Variants in FAT3 observed in about 807,000 individuals in gnomAD.
The protein encoded by FAT3 is protocadherin Fat 3.
A neutral mutation model predicts 310.2 loss-of-function variants in FAT3; 95 were observed. That is an observed-to-expected ratio of 0.31 (90% CI 0.26 to 0.36). The LOEUF is 0.36. FAT3 is among the 10% of genes least tolerant of loss of function. The pLI, the probability that FAT3 is intolerant of heterozygous loss-of-function variation, is 1.00. For synonymous variants in FAT3, 2,314 were observed against 2,192.9 expected (o/e 1.06, Z -1.54); for missense variants, 5,408 against 5,715.6 (o/e 0.95, Z 1.74).
intron 17 of FAT3, 110 bp from the exon 18 acceptor site, chr11:92,840,452 C>A (rs1203153566): frequency 2.0e-6 from 2 of 1,024,636 alleles, no homozygotes; most frequent in African/African-American, 1.6e-5. Flanking sequence ...TCTAGCTCAG[C>A]ACTCTCAGCC....
rs748019213 is a variant in FAT3, at chr11:92,446,880, A to G, written c.3293-77754A>G. ...TCTGTAGTTCCAGGTAGTTCTAGGT[A>G]GTCATCAGAGGAAATATCTGCAAAT... On this transcript the variant is annotated intron_variant, in intron 2 of 27. Coordinates refer to ENST00000525166, the MANE Select transcript of FAT3 (RefSeq NM_001367949.2). Among the ~76,000 whole-genome samples, 22 of 152,192 alleles carry G rather than the reference A, an allele frequency of 1.4e-4. 1 individual carries two copies. Among genetic ancestry groups the G allele is most frequent in the Admixed American group, 9.2e-4 (14 of 15,272 alleles).
chr11:92,476,575 CCGTACT>C (rs1225518186), intron 2 of FAT3, among the ~76,000 whole-genome samples: 1 of 152,132 alleles, frequency 6.6e-6, no homozygotes, highest in Non-Finnish European at 1.5e-5. Context: ...ATGAATACAG[CCGTACT>C]TGGGGGTGAA....
intron 13 of FAT3, among the ~76,000 whole-genome samples, chr11:92,811,911 C>A (rs1002439162): frequency 2.0e-5 from 3 of 152,140 alleles, no homozygotes; most frequent in Non-Finnish European, 4.4e-5. Context: ...AGAACTAAGA[C>A]AGCTGAGGAA....
At chr11:92,298,564 C>T (rs966078373) in intron 1 of FAT3, among the ~76,000 whole-genome samples, 2 of 152,050 alleles carry the variant, frequency 1.3e-5, no homozygotes, top group African/African-American at 4.8e-5. Context: ...GATGTTCTTC[C>T]TATTTGTTGA....
At chr11:92,229,489 C>CTTTTTTTTTTTTTTTTTTTTT (rs1565339181) in intron 1 of FAT3, among the ~76,000 whole-genome samples, 1 of 48,668 alleles carries the variant, frequency 2.1e-5, no homozygotes, top group African/African-American at 8.1e-5. Context: ...TTTGTTTTTT[C>CTTTTTTTTTTTTTTTTTTTTT]GTGTTTTTTT....
At chr11:92,484,305 G>A (rs1952313080) in intron 2 of FAT3, among the ~76,000 whole-genome samples, 1 of 151,872 alleles carries the variant, frequency 6.6e-6, no homozygotes, top group African/African-American at 2.4e-5. Context: ...TGCTAGAATT[G>A]TTACCATAAA....
rs56378818 is a variant in FAT3 at position 92,340,111 on chromosome 11, CAA to C, written c.-17-11963_-17-11962del. 1.2e-3 allele frequency among the ~76,000 whole-genome samples: 60 copies of C among 49,136 alleles called. 1 individual carries two copies. Among genetic ancestry groups the C allele is most frequent in the African/African-American group, 3.5e-3 (45 of 12,906 alleles). The allele number at this position is 49,136 out of a possible 152,430, so 32.2% of individuals were successfully genotyped here. A position where few individuals can be genotyped will look rare whatever the true frequency, so the allele number is the denominator to read the frequency against. On this transcript the variant is annotated intron_variant, in intron 1 of 27. Coordinates refer to ENST00000525166, the MANE Select transcript of FAT3 (RefSeq NM_001367949.2). ...TGGGCAACAGAGCAAGACTCCATCT[CAA>C]AAAAAAAAAAAAAAAAAAAAAGCCA...
chr11:92,862,016 G>A lies in FAT3; in HGVS notation c.11658+2694G>A, dbSNP rs181461977. Among the ~76,000 whole-genome samples, 167 of 152,214 alleles carry A rather than the reference G, an allele frequency of 1.1e-3. 1 individual carries two copies. The highest frequency in any genetic ancestry group is 3.4e-3 in the Middle Eastern group (1 of 294). Reference sequence around the variant, plus strand: ...TCACTGTCTCTCAGCAATAATAAAAGGCACTCATTCTTCTGTTTACCATTG... The same window carrying A: ...TCACTGTCTCTCAGCAATAATAAAAAGCACTCATTCTTCTGTTTACCATTG... On this transcript the variant is annotated intron_variant, in intron 21 of 27. Transcript: ENST00000525166.
chr11:92,840,405 A>T (rs1948507969), intron 17 of FAT3, among the ~76,000 whole-genome samples, 157 bp from the exon 18 acceptor site: 1 of 152,218 alleles, frequency 6.6e-6, no homozygotes, highest in Non-Finnish European at 1.5e-5. Context: ...AGACAAGGTA[A>T]TGTCACAGGG....
intron 1 of FAT3, among the ~76,000 whole-genome samples, chr11:92,331,001 TGTGAGAGAGAGA>T (rs1352345516): frequency 0.03 from 3,507 of 117,792 alleles, 154 homozygotes; most frequent in African/African-American, 0.16. Flanking sequence ...TGTGTGTGTG[TGTGAGAGAGAGA>T]GAGAGAGAAA....
intron 24 of FAT3, among the ~76,000 whole-genome samples, chr11:92,884,693 T>A (rs1400639006): frequency 6.6e-6 from 1 of 152,166 alleles, no homozygotes; most frequent in Non-Finnish European, 1.5e-5. Flanking sequence ...TAGGACACTT[T>A]GGAGATGCCC....
intron 3 of FAT3, among the ~76,000 whole-genome samples, chr11:92,589,961 CA>C (rs1939345407): frequency 6.6e-6 from 1 of 152,110 alleles, no homozygotes; most frequent in Admixed American, 6.6e-5. Context: ...TTAGCCAAAA[CA>C]GCCTAAATTA....
At chr11:92,528,043 C>G (rs183943615) in intron 3 of FAT3, among the ~76,000 whole-genome samples, 2 of 152,136 alleles carry the variant, frequency 1.3e-5, no homozygotes, top group Non-Finnish European at 2.9e-5. Flanking sequence ...TTAACGCCAA[C>G]GCAAATAATG....
intron 2 of FAT3, among the ~76,000 whole-genome samples, chr11:92,505,972 T>C (rs896754996): frequency 3.9e-5 from 6 of 152,036 alleles, no homozygotes; most frequent in Admixed American, 6.6e-5. Flanking sequence ...GGGATAACTA[T>C]AAACACCATA....
At chr11:92,666,897 T>A (rs796854147) in intron 3 of FAT3, among the ~76,000 whole-genome samples, 8 of 152,244 alleles carry the variant, frequency 5.3e-5, no homozygotes, top group African/African-American at 1.9e-4. Flanking sequence ...CACACTCCAT[T>A]GGTTGGAGTC....
At position 92,762,160 on chromosome 11, in the gene FAT3, A is replaced by T. The variant is rs1946167852; in HGVS notation, c.3974A>T (p.Asp1325Val). The T allele has an allele frequency of 6.2e-7, 1 of 1,610,088 alleles. No homozygotes were observed. Among genetic ancestry groups the T allele is most frequent in the Non-Finnish European group, 8.5e-7 (1 of 1,177,528 alleles). The change falls in exon 5 of 28, where the codon GAC becomes GTC. Residue 1325 changes from aspartate to valine, a missense_variant. Physicochemically the swap from Asp to Val is radical, Grantham distance 152 (BLOSUM62 -3). Coordinates refer to ENST00000525166, the MANE Select transcript of FAT3 (RefSeq NM_001367949.2). ...SRKQFTAGSY[D>V]ILTIKAVDNG... is the part of the protein sequence containing the mutation. ...AAGCAGTTTACAGCAGGCAGTTATG[A>T]CATCCTAACGGTAAGATCTTCCAAA...
chr11:92,775,305 G>A (rs907647328), intron 7 of FAT3, among the ~76,000 whole-genome samples: 7 of 152,178 alleles, frequency 4.6e-5, no homozygotes, highest in African/African-American at 1.7e-4. Context: ...TATTTCATGT[G>A]TTTGCCTAGC....
At chr11:92,874,880 C>T (rs1163883362) in intron 22 of FAT3, among the ~76,000 whole-genome samples, 1 of 152,146 alleles carries the variant, frequency 6.6e-6, no homozygotes, top group East Asian at 1.9e-4. Context: ...TCTCCAGCAG[C>T]CCCAGGAGTT....
At chr11:92,557,587 G>T (rs148931530) in intron 3 of FAT3, among the ~76,000 whole-genome samples, 3 of 152,184 alleles carry the variant, frequency 2.0e-5, no homozygotes, top group Non-Finnish European at 4.4e-5. Context: ...CCAAGATGAG[G>T]TTGGTCCATT....
Sources: gnomAD v4.1 joint callset for allele counts (sites outside exome capture counted in the v4.1 genomes callset) on GRCh38, gnomAD v4.1.1 for gene constraint, MANE v1.5 for transcripts, NCBI Gene and HGNC (gene_info 2026-07-23, HGNC 2026-07-21) for gene names.